Variants in CSNK2A2IP observed in about 807,000 individuals in gnomAD.
The protein encoded by CSNK2A2IP is casein kinase II subunit alpha'-interacting protein.
chr3:88,367,562 C>A, the CSNK2A2IP span, among the ~76,000 whole-genome samples: 1 of 152,060 alleles, frequency 6.6e-6, no homozygotes, highest in African/African-American at 2.4e-5. Context: ...TGTACATATA[C>A]ACTTCCTTAA....
the CSNK2A2IP span, among the ~76,000 whole-genome samples, chr3:88,396,192 C>T: frequency 6.6e-6 from 1 of 150,684 alleles, no homozygotes; most frequent in Admixed American, 6.6e-5. Flanking sequence ...GCAGGCTCCG[C>T]CCCCTGGGGT....
the CSNK2A2IP span, among the ~76,000 whole-genome samples, chr3:88,344,905 T>C: frequency 6.6e-6 from 1 of 151,988 alleles, no homozygotes; most frequent in Non-Finnish European, 1.5e-5. Context: ...ATGCCAGAAA[T>C]AGACTAATTC....
At chr3:88,435,738 T>C in the CSNK2A2IP span, among the ~76,000 whole-genome samples, 1 of 152,126 alleles carries the variant, frequency 6.6e-6, no homozygotes, top group East Asian at 1.9e-4. Flanking sequence ...TGTTACATGG[T>C]GAGGATTTGT....
chr3:88,350,994 T>G, the CSNK2A2IP span, among the ~76,000 whole-genome samples: 1 of 152,136 alleles, frequency 6.6e-6, no homozygotes, highest in Non-Finnish European at 1.5e-5. Flanking sequence ...AAAATGTAAT[T>G]TGAAACTTTT....
the CSNK2A2IP span, among the ~76,000 whole-genome samples, chr3:88,414,270 G>GTTTTTTTTTTTTT: frequency 3.1e-5 from 2 of 64,106 alleles, no homozygotes; most frequent in African/African-American, 1.5e-4. Context: ...TACCAACAAA[G>GTTTTTTTTTTTTT]TTTTTTTTTT....
the CSNK2A2IP span, among the ~76,000 whole-genome samples, chr3:88,390,524 AG>A: frequency 6.6e-6 from 1 of 152,176 alleles, no homozygotes; most frequent in Non-Finnish European, 1.5e-5. Context: ...GTCTTCTCTG[AG>A]GGATGTACCA....
the CSNK2A2IP span, among the ~76,000 whole-genome samples, chr3:88,446,021 C>CT: frequency 1.2e-5 from 1 of 85,608 alleles, no homozygotes; most frequent in East Asian, 2.7e-4. Flanking sequence ...TCTTTTCTTT[C>CT]TTTGTTTCTT....
the CSNK2A2IP span, among the ~76,000 whole-genome samples, chr3:88,366,118 G>T: frequency 6.6e-6 from 1 of 152,138 alleles, no homozygotes; most frequent in African/African-American, 2.4e-5. Flanking sequence ...TTTGTTTAGT[G>T]TGGTTTTCCT....
chr3:88,352,130 T>C, the CSNK2A2IP span, among the ~76,000 whole-genome samples: 4 of 152,298 alleles, frequency 2.6e-5, no homozygotes, highest in Non-Finnish European at 4.4e-5. Context: ...TTTACTGTTT[T>C]AGTCATGTAA....
the CSNK2A2IP span, among the ~76,000 whole-genome samples, chr3:88,361,159 A>G: frequency 6.6e-6 from 1 of 152,182 alleles, no homozygotes; most frequent in South Asian, 2.1e-4. Context: ...AATTACAGTG[A>G]TAGAGTATTC....
the CSNK2A2IP span, among the ~76,000 whole-genome samples, chr3:88,394,409 GT>G: frequency 2.0e-5 from 3 of 152,136 alleles, 1 homozygote; most frequent in African/African-American, 7.2e-5. Flanking sequence ...TTTTGCTCTT[GT>G]TGCCCAGACT....
the CSNK2A2IP span, chr3:88,467,418 A>G: frequency 7.5e-6 from 3 of 398,584 alleles, no homozygotes; most frequent in South Asian, 1.3e-4. Context: ...TTGAGTTTAT[A>G]TATAGCAAAG....
the CSNK2A2IP span, among the ~76,000 whole-genome samples, chr3:88,455,736 T>C: frequency 6.6e-6 from 1 of 152,012 alleles, no homozygotes; most frequent in Non-Finnish European, 1.5e-5. Flanking sequence ...TTTGCTTTTG[T>C]CATCTGTGCC....
chr3:88,387,163 C>CTTT, the CSNK2A2IP span, among the ~76,000 whole-genome samples: 4 of 109,830 alleles, frequency 3.6e-5, no homozygotes, highest in African/African-American at 1.2e-4. Flanking sequence ...CAAACACATG[C>CTTT]TTTTTTTTTT....
the CSNK2A2IP span, among the ~76,000 whole-genome samples, chr3:88,418,416 G>A: frequency 6.6e-6 from 1 of 150,928 alleles, no homozygotes; most frequent in African/African-American, 2.4e-5. Context: ...ACTTCCAAAT[G>A]TCTACAGGGA....
At chr3:88,446,025 GTTTC>G in the CSNK2A2IP span, among the ~76,000 whole-genome samples, 1,813 of 29,300 alleles carry the variant, frequency 0.062, 111 homozygotes, top group South Asian at 0.1. Context: ...TTCTTTCTTT[GTTTC>G]TTTTCTTTCT....
the CSNK2A2IP span, among the ~76,000 whole-genome samples, chr3:88,419,106 C>A: frequency 6.6e-6 from 1 of 152,156 alleles, no homozygotes; most frequent in African/African-American, 2.4e-5. Context: ...AAGCTCAGGG[C>A]TCCCATGAGT....
At chr3:88,339,180 C>T in the CSNK2A2IP span, among the ~76,000 whole-genome samples, 1 of 151,864 alleles carries the variant, frequency 6.6e-6, no homozygotes, top group Non-Finnish European at 1.5e-5. Context: ...ATTTTCATAC[C>T]CATTAACAAT....
At chr3:88,370,765 C>G in the CSNK2A2IP span, among the ~76,000 whole-genome samples, 2 of 151,566 alleles carry the variant, frequency 1.3e-5, no homozygotes, top group Non-Finnish European at 3.0e-5. Context: ...AAGCTCTAAC[C>G]CCCAATGTGA....
Sources: gnomAD v4.1 joint callset for allele counts (sites outside exome capture counted in the v4.1 genomes callset) on GRCh38, gnomAD v4.1.1 for gene constraint, MANE v1.5 for transcripts, NCBI Gene and HGNC (gene_info 2026-07-23, HGNC 2026-07-21) for gene names.